RYR3: variants seen among roughly 807,000 people sequenced by gnomAD.
RYR3 encodes brain ryanodine receptor-calcium release channel.
RYR3 carries 207 observed loss-of-function variants against 584.3 expected under a neutral mutation model. The observed-to-expected ratio is 0.35, with a 90% CI of 0.32 to 0.40. RYR3 has a LOEUF of 0.40. Ranked by LOEUF, RYR3 falls within the 10% of genes least tolerant of loss-of-function variation. The pLI, the probability that RYR3 is intolerant of heterozygous loss-of-function variation, is 1.00. For missense variants in RYR3, 5,616 were observed against 6,089.2 expected, an observed-to-expected ratio of 0.92 and a Z score of 2.59; for synonymous variants, 2,416 against 2,248.5, an observed-to-expected ratio of 1.07 and a Z score of -2.11.
intron 3 of RYR3, among the ~76,000 whole-genome samples, chr15:33,510,389 T>C (rs2052875449): frequency 6.6e-6 from 1 of 152,230 alleles, no homozygotes; most frequent in Admixed American, 6.5e-5. Flanking sequence ...CTCTGGTGTG[T>C]CCTGTGGGCT....
chr15:33,826,775 C>T (rs2077397306), intron 84 of RYR3, 23 bp downstream of exon 84: 7 of 1,504,610 alleles, frequency 4.7e-6, no homozygotes, highest in Non-Finnish European at 6.2e-6. Flanking sequence ...GATTGATCTG[C>T]CAAGGAAACA....
At chr15:33,536,191 G>A (rs563640698) in intron 5 of RYR3, among the ~76,000 whole-genome samples, 53 of 152,306 alleles carry the variant, frequency 3.5e-4, no homozygotes, top group Admixed American at 3.1e-3. Flanking sequence ...CTTCAGAGTT[G>A]TAAACAAGTA....
chr15:33,848,697 C>T (rs2152992034), intron 94 of RYR3, among the ~76,000 whole-genome samples: 1 of 152,250 alleles, frequency 6.6e-6, no homozygotes, highest in Middle Eastern at 3.4e-3. Context: ...ACTAGTTTTC[C>T]ATGTTCGAGT....
Position 33,865,246 on chromosome 15 carries a change from G to T in RYR3, c.*20G>T. On this transcript the variant is annotated 3_prime_UTR_variant, in exon 104 of 104. Coordinates refer to ENST00000634891, the MANE Select transcript of RYR3 (RefSeq NM_001036.6). Reference sequence around the variant, plus strand: ...GGATAAATCTGAATCAAAGAAGCGCGACAATTCTGGACAGTCAACTTCCCA... The same window carrying T: ...GGATAAATCTGAATCAAAGAAGCGCTACAATTCTGGACAGTCAACTTCCCA... The T allele has an allele frequency of 6.5e-7, 1 of 1,542,722 alleles. No individual in the cohort carries two copies. Among genetic ancestry groups the T allele is most frequent in the South Asian group, 1.1e-5 (1 of 88,590 alleles).
chr15:33,566,904 G>A, intron 12 of RYR3, 105 bp downstream of exon 12: 1 of 1,262,772 alleles, frequency 7.9e-7, no homozygotes, highest in East Asian at 2.3e-5. Flanking sequence ...AGGAAATAAT[G>A]ATACACCAGC....
chr15:33,467,550 T>C, intron 1 of RYR3: 1 of 874,736 alleles, frequency 1.1e-6, no homozygotes, highest in Non-Finnish European at 1.4e-6. Flanking sequence ...AAGTTCAAAG[T>C]TCTTTGGCCA....
At chr15:33,367,530 G>A (rs1975680109) in intron 1 of RYR3, among the ~76,000 whole-genome samples, 1 of 152,186 alleles carries the variant, frequency 6.6e-6, no homozygotes, top group South Asian at 2.1e-4. Flanking sequence ...GAATATAAGA[G>A]TGCCCTGTGG....
intron 58 of RYR3, among the ~76,000 whole-genome samples, chr15:33,755,801 C>T (rs1320141648): frequency 2.6e-5 from 4 of 152,014 alleles, no homozygotes; most frequent in African/African-American, 7.2e-5. Flanking sequence ...TGGAGTTTTG[C>T]TCTTGTTGCC....
intron 11 of RYR3, among the ~76,000 whole-genome samples, chr15:33,564,364 G>A (rs1469972219): frequency 6.6e-6 from 1 of 152,204 alleles, no homozygotes; most frequent in African/African-American, 2.4e-5. Context: ...CATTATGAGA[G>A]TACTAGGGAT....
At chr15:33,459,756 C>T (rs1421612576) in intron 1 of RYR3, among the ~76,000 whole-genome samples, 2 of 152,176 alleles carry the variant, frequency 1.3e-5, no homozygotes, top group African/African-American at 2.4e-5. Flanking sequence ...TGAAGACCAG[C>T]TGCCTTGCTC....
intron 10 of RYR3, among the ~76,000 whole-genome samples, chr15:33,551,589 C>A (rs1318168503): frequency 1.3e-5 from 2 of 152,080 alleles, no homozygotes; most frequent in Non-Finnish European, 2.9e-5. Flanking sequence ...CAGAATTGGG[C>A]TTTTTTCATA....
In RYR3 at chr15:33,579,980, A is replaced by C. The variant is rs760893647; in HGVS notation, c.1273A>C (p.Asn425His). 1.9e-6 allele frequency: 3 copies of C among 1,606,554 alleles called. No homozygotes were observed. The highest frequency in any genetic ancestry group is 2.6e-6 in the Non-Finnish European group (3 of 1,176,306). Residue 425 changes from asparagine to histidine, a missense_variant, in exon 13 of 104, where the codon AAC (asparagine) becomes CAC (histidine). Around this residue, in one of 9 missense-constraint regions of RYR3, gnomAD observed 1,284 missense variants for 1,344.6 expected, o/e 0.95. Coordinates refer to ENST00000634891, the MANE Select transcript of RYR3 (RefSeq NM_001036.6). ...TALFSQFVSG[N>H]NRTAAPITLP... The stretch of plus-strand genomic sequence containing the variant: ...TGTCAATCTCATGGTTTTTAGCGGA[A>C]ACAATCGCACAGCTGCCCCCATCAC...
intron 67 of RYR3, among the ~76,000 whole-genome samples, chr15:33,797,068 C>A (rs2075670550): frequency 6.6e-6 from 1 of 152,102 alleles, no homozygotes; most frequent in Non-Finnish European, 1.5e-5. Flanking sequence ...CCACATGGAC[C>A]TAGACTGTAG....
At chr15:33,855,371 T>C (rs998409433) in intron 98 of RYR3, among the ~76,000 whole-genome samples, 1 of 152,170 alleles carries the variant, frequency 6.6e-6, no homozygotes, top group Non-Finnish European at 1.5e-5. Context: ...GCCCGGCTAA[T>C]TTTTGTATTT....
chr15:33,379,687 CTA>C (rs1555448829), intron 1 of RYR3, among the ~76,000 whole-genome samples: 17,650 of 125,302 alleles, frequency 0.14, 1,321 homozygotes, highest in African/African-American at 0.21. Context: ...CTCTCTCTCT[CTA>C]TATATATATA....
chr15:33,773,762 T>C, intron 64 of RYR3, 147 bp downstream of exon 64: 1 of 655,130 alleles, frequency 1.5e-6, no homozygotes, highest in Non-Finnish European at 2.8e-6. Flanking sequence ...GTTTATGACA[T>C]GCTTTTGGCA....
intron 18 of RYR3, among the ~76,000 whole-genome samples, chr15:33,603,705 A>G (rs1040585378): frequency 3.0e-4 from 46 of 152,288 alleles, no homozygotes; most frequent in African/African-American, 1.1e-3. Context: ...CTCTTATTTT[A>G]TCCTCACAGG....
intron 4 of RYR3, among the ~76,000 whole-genome samples, chr15:33,531,404 T>C (rs2054855713): frequency 6.6e-6 from 1 of 152,056 alleles, no homozygotes; most frequent in Non-Finnish European, 1.5e-5. Flanking sequence ...GAGAATATTA[T>C]TACTCAATCA....
At chr15:33,725,806 A>AAAT (rs2152813062) in intron 45 of RYR3, among the ~76,000 whole-genome samples, 1 of 149,646 alleles carries the variant, frequency 6.7e-6, no homozygotes, top group Non-Finnish European at 1.5e-5. Flanking sequence ...AAAAAAAAAA[A>AAAT]AAAAATACAA....
Sources: allele counts gnomAD v4.1 joint callset (sites outside exome capture counted in the v4.1 genomes callset), GRCh38; gene constraint gnomAD v4.1.1; regional missense constraint gnomAD v4.1.1; transcripts MANE v1.5; gene names NCBI Gene and HGNC (gene_info 2026-07-23, HGNC 2026-07-21).